KIAA0319: variants seen among roughly 807,000 people sequenced by gnomAD.
KIAA0319 encodes dyslexia-associated protein KIAA0319.
Under a neutral mutation model 108.4 loss-of-function variants are expected in KIAA0319, and 83 were observed. That is an observed-to-expected ratio of 0.77 (90% CI 0.64 to 0.92). The LOEUF is 0.92. Among genes scored for constraint, KIAA0319 ranks in the 40% least tolerant of loss-of-function variants. The pLI is 0.00. For synonymous variants in KIAA0319, 484 were observed against 510.4 expected (o/e 0.95, Z 0.70); for missense variants, 1,195 against 1,322.4 (o/e 0.90, Z 1.49).
chr6:24,612,047 C>CAA (rs35491702), intron 1 of KIAA0319, among the ~76,000 whole-genome samples: 1 of 132,940 alleles, frequency 7.5e-6, no homozygotes, highest in Non-Finnish European at 1.7e-5. Context: ...GACTTTGTTT[C>CAA]AAAAAAAAAA....
intron 3 of KIAA0319, among the ~76,000 whole-genome samples, chr6:24,593,304 G>A (rs1343367945): frequency 6.6e-6 from 1 of 150,842 alleles, no homozygotes; most frequent in African/African-American, 2.4e-5. Flanking sequence ...TTCCTTCAGT[G>A]AGTAATGAGT....
At chr6:24,645,055 A>G (rs1777441454) in intron 1 of KIAA0319, among the ~76,000 whole-genome samples, 1 of 152,258 alleles carries the variant, frequency 6.6e-6, no homozygotes, top group Admixed American at 6.5e-5. Flanking sequence ...TTTCAGGAAT[A>G]AAGAAATAAA....
chr6:24,553,294 T>TATATATACACAC (rs1554142428), intron 19 of KIAA0319, among the ~76,000 whole-genome samples: 2 of 91,064 alleles, frequency 2.2e-5, no homozygotes, highest in African/African-American at 9.6e-5. Flanking sequence ...TATATATATA[T>TATATATACACAC]ACACACACAC....
chr6:24,609,843 A>T (rs894798186), intron 1 of KIAA0319, among the ~76,000 whole-genome samples: 16 of 152,214 alleles, frequency 1.1e-4, no homozygotes, highest in African/African-American at 3.9e-4. Context: ...GGGAAAGAAT[A>T]GTCTTTTCAA....
intron 16 of KIAA0319, among the ~76,000 whole-genome samples, chr6:24,561,827 T>C (rs758459432): frequency 7.2e-5 from 11 of 152,094 alleles, no homozygotes; most frequent in Admixed American, 1.3e-4. Flanking sequence ...CTCAGCCTCT[T>C]GAGTAGCTGG....
chr6:24,642,558 A>G (rs941115621), intron 1 of KIAA0319, among the ~76,000 whole-genome samples: 2 of 152,214 alleles, frequency 1.3e-5, no homozygotes, highest in African/African-American at 4.8e-5. Flanking sequence ...TATGGGTGTT[A>G]TGGGTGGCAA....
intron 1 of KIAA0319, among the ~76,000 whole-genome samples, chr6:24,612,379 A>G (rs891618528): frequency 6.6e-6 from 1 of 152,100 alleles, no homozygotes; most frequent in East Asian, 1.9e-4. Flanking sequence ...TGAGCCTGGG[A>G]GGTCAAGGCT....
chr6:24,606,727 C>G (rs1562053390), intron 1 of KIAA0319, among the ~76,000 whole-genome samples: 1 of 152,366 alleles, frequency 6.6e-6, no homozygotes, highest in East Asian at 1.9e-4. Flanking sequence ...AACCTCCCCT[C>G]ACCCTTTGCA....
intron 1 of KIAA0319, among the ~76,000 whole-genome samples, chr6:24,641,694 T>C (rs1388762447): frequency 1.3e-5 from 2 of 152,082 alleles, no homozygotes; most frequent in East Asian, 1.9e-4. Flanking sequence ...TCTTAAGCAA[T>C]ACAAATATAC....
intron 1 of KIAA0319, among the ~76,000 whole-genome samples, chr6:24,606,038 C>A (rs1010579690): frequency 2.0e-5 from 3 of 151,916 alleles, no homozygotes; most frequent in African/African-American, 7.3e-5. Context: ...GGGGTTCAAG[C>A]GATTTCCTGC....
At chr6:24,543,339 G>A (rs2127394694), downstream of KIAA0319, among the ~76,000 whole-genome samples, 1 of 152,356 alleles carries the variant, frequency 6.6e-6, no homozygotes, top group South Asian at 2.1e-4. Flanking sequence ...TCAACAGCTT[G>A]ATTGTGGTCA....
At chr6:24,620,898 T>C (rs951353280) in intron 1 of KIAA0319, among the ~76,000 whole-genome samples, 5 of 152,170 alleles carry the variant, frequency 3.3e-5, no homozygotes, top group Admixed American at 3.3e-4. Flanking sequence ...CAAACATTCA[T>C]TCTATAATAG....
intron 1 of KIAA0319, among the ~76,000 whole-genome samples, chr6:24,609,273 C>CAAAAAAAAAAAAAA (rs886616830): frequency 1.3e-3 from 93 of 71,822 alleles, no homozygotes; most frequent in Admixed American, 1.8e-3. Flanking sequence ...GTCTCAAAAA[C>CAAAAAAAAAAAAAA]AAAAAAAAAA....
At chr6:24,547,744 G>T (rs948038347) in intron 20 of KIAA0319, among the ~76,000 whole-genome samples, 19 of 152,238 alleles carry the variant, frequency 1.2e-4, no homozygotes, top group Admixed American at 1.1e-3. Flanking sequence ...GAAAGCTTCT[G>T]TGATTTTACC....
chr6:24,629,600 T>C (rs1743105169), intron 1 of KIAA0319, among the ~76,000 whole-genome samples: 1 of 146,278 alleles, frequency 6.8e-6, no homozygotes, highest in Admixed American at 6.9e-5. Context: ...AAGTGATGGG[T>C]GTGGAATGGT....
chr6:24,583,896 G>T (rs1282992224), intron 4 of KIAA0319, among the ~76,000 whole-genome samples, 194 bp from the exon 5 acceptor site: 2 of 152,044 alleles, frequency 1.3e-5, no homozygotes, highest in East Asian at 3.8e-4. Flanking sequence ...TATAGTACAG[G>T]GTTTTAAACC....
chr6:24,589,677 C>T (rs1768149065), intron 3 of KIAA0319, among the ~76,000 whole-genome samples: 1 of 152,216 alleles, frequency 6.6e-6, no homozygotes, highest in Admixed American at 6.5e-5. Flanking sequence ...ACTTAAACCT[C>T]TTTCCTTTGT....
chr6:24,624,491 A>G (rs1326017834), intron 1 of KIAA0319, among the ~76,000 whole-genome samples: 7 of 152,190 alleles, frequency 4.6e-5, no homozygotes, highest in African/African-American at 1.7e-4. Context: ...TGAATCCAAG[A>G]AAGAATGATG....
chr6:24,570,279 G>T lies in KIAA0319; in HGVS notation c.1859-244C>A, dbSNP rs577228256. Among the ~76,000 whole-genome samples, 4 of 152,210 alleles carry T rather than the reference G, an allele frequency of 2.6e-5. No homozygotes were observed. The South Asian group carries it at 8.3e-4, about 32-fold the overall frequency. Reference sequence around the variant, plus strand: ...CACTGTCTCTAATAGACACATCTTTGGTTTATTTGGTTTAAAAGATCCTCA... The same window carrying T: ...CACTGTCTCTAATAGACACATCTTTTGTTTATTTGGTTTAAAAGATCCTCA... On this transcript the variant is annotated intron_variant, in intron 11 of 20. Transcript: ENST00000378214.
Sources: allele counts gnomAD v4.1 joint callset (sites outside exome capture counted in the v4.1 genomes callset), GRCh38; gene constraint gnomAD v4.1.1; transcripts MANE v1.5; gene names NCBI Gene and HGNC (gene_info 2026-07-23, HGNC 2026-07-21).